Variants in RASL12 observed in about 807,000 individuals in gnomAD.
RASL12 encodes the protein ras-like protein family member 12.
In RASL12, 16 loss-of-function variants were observed where a neutral mutation model predicts 22.9. The ratio of observed to expected loss-of-function variants is 0.70; its 90% CI spans 0.47 to 1.06. RASL12 has a LOEUF of 1.06. Among genes scored for constraint, RASL12 ranks in the 50% least tolerant of loss-of-function variants. RASL12 has a pLI of 0.00. For missense variants in RASL12, 306 were observed against 353.1 expected (o/e 0.87, Z 1.07); for synonymous variants, 159 against 152.2 (o/e 1.04, Z -0.33).
chr15:65,061,644 T>C (rs1219782724), intron 2 of RASL12, among the ~76,000 whole-genome samples: 2 of 152,212 alleles, frequency 1.3e-5, no homozygotes, highest in Admixed American at 6.5e-5. Context: ...AGAAGAGTCA[T>C]TTCCCAAAGT....
At position 65,054,645 on chromosome 15, in the gene RASL12, G is replaced by A; in HGVS notation, c.*254C>T. The A allele has an allele frequency of 7.3e-7, 1 of 1,361,994 alleles. No individual in the cohort carries two copies. Among genetic ancestry groups the A allele is most frequent in the Non-Finnish European group, 9.5e-7 (1 of 1,056,860 alleles). The allele number at this position is 1,361,994 out of a possible 1,614,324, so 84.4% of individuals were successfully genotyped here. On this transcript the variant is annotated 3_prime_UTR_variant, in exon 5 of 5. Transcript: ENST00000220062. The stretch of plus-strand genomic sequence containing the variant: ...CTTAAGGCTGACCCCAGGTCTCTGG[G>A]TTGTCACAGTGGCTGTTTCCCTCTA...
At chr15:65,062,436 T>C (rs2086820481) in intron 2 of RASL12, among the ~76,000 whole-genome samples, 1 of 152,230 alleles carries the variant, frequency 6.6e-6, no homozygotes, top group African/African-American at 2.4e-5. Flanking sequence ...AGGCTGCTCC[T>C]AGCGGAGAGC....
downstream of RASL12, among the ~76,000 whole-genome samples, chr15:65,048,507 A>C (rs977262659): frequency 6.6e-6 from 1 of 152,172 alleles, no homozygotes; most frequent in Non-Finnish European, 1.5e-5. Flanking sequence ...TTGAGCACCT[A>C]AGGCAGTGAC....
At chr15:65,046,692 C>T in the RASL12 span, among the ~76,000 whole-genome samples, 3 of 152,080 alleles carry the variant, frequency 2.0e-5, no homozygotes, top group African/African-American at 4.8e-5. Flanking sequence ...GTGGGCAGGT[C>T]GCTTGAACTC....
intron 1 of RASL12, among the ~76,000 whole-genome samples, chr15:65,073,223 C>T (rs543221997): frequency 3.9e-5 from 6 of 152,162 alleles, no homozygotes; most frequent in East Asian, 1.9e-4. Context: ...GAGATGGTTT[C>T]GGAATTATTC....
intron 1 of RASL12, among the ~76,000 whole-genome samples, chr15:65,075,287 C>T (rs1440857211): frequency 6.6e-6 from 1 of 152,246 alleles, no homozygotes; most frequent in Non-Finnish European, 1.5e-5. Context: ...ACCTGCAGCC[C>T]GCCATGCCTG....
intron 1 of RASL12, among the ~76,000 whole-genome samples, chr15:65,073,574 C>T (rs2086946173): frequency 6.6e-6 from 1 of 152,202 alleles, no homozygotes; most frequent in Non-Finnish European, 1.5e-5. Context: ...TTTGCTTGCT[C>T]ACTGCTCACC....
intron 1 of RASL12, 131 bp downstream of exon 1, chr15:65,067,602 T>C: frequency 9.0e-7 from 1 of 1,111,264 alleles, no homozygotes; most frequent in Non-Finnish European, 1.2e-6. Flanking sequence ...CACGGTGTCT[T>C]GTGCGACCCT....
chr15:65,060,485 T>C (rs974055013), intron 2 of RASL12, among the ~76,000 whole-genome samples: 1 of 152,222 alleles, frequency 6.6e-6, no homozygotes, highest in African/African-American at 2.4e-5. Flanking sequence ...TATTTGAATT[T>C]CTCGAGTTGT....
downstream of RASL12, chr15:65,049,809 CTTTGGGCCAGAGGAGATCTGGA>C (rs1478490757): frequency 2.5e-6 from 1 of 403,092 alleles, no homozygotes; most frequent in East Asian, 4.2e-5. Flanking sequence ...TGTCCCATAA[CTTTGGGCCAGAGGAGATCTGGA>C]TTTGGGCACA....
chr15:65,065,120 C>G, intron 2 of RASL12, 97 bp downstream of exon 2: 1 of 1,143,050 alleles, frequency 8.7e-7, no homozygotes, highest in Non-Finnish European at 1.3e-6. Context: ...TGTCCCCAGA[C>G]ATGCAGTCCT....
At chr15:65,055,932 A>G (rs866533649) in intron 4 of RASL12, among the ~76,000 whole-genome samples, 5 of 152,290 alleles carry the variant, frequency 3.3e-5, no homozygotes, top group African/African-American at 1.2e-4. Context: ...ACAACATTTC[A>G]TGGTGAGGAG....
At chr15:65,075,355 C>A (rs2086959087) in intron 1 of RASL12, among the ~76,000 whole-genome samples, 1 of 152,238 alleles carries the variant, frequency 6.6e-6, no homozygotes, top group Non-Finnish European at 1.5e-5. Context: ...ACGAGCACTA[C>A]CCCCTGCTCC....
At chr15:65,071,113 A>G (rs993151660), upstream of RASL12, among the ~76,000 whole-genome samples, 3 of 152,148 alleles carry the variant, frequency 2.0e-5, no homozygotes, top group South Asian at 2.1e-4. Context: ...GGCAAGGGTT[A>G]TATCTTCTCT....
chr15:65,046,559 T>G, the RASL12 span, among the ~76,000 whole-genome samples: 2 of 152,230 alleles, frequency 1.3e-5, no homozygotes, highest in African/African-American at 2.4e-5. Context: ...TGTATCCAAT[T>G]TGTCATTTTG....
chr15:65,048,306 G>A, the RASL12 span, among the ~76,000 whole-genome samples: 1 of 152,086 alleles, frequency 6.6e-6, no homozygotes, highest in South Asian at 2.1e-4. Flanking sequence ...TTGTATTTGT[G>A]TCAAAATATT....
chr15:65,071,699 G>A (rs950949483), upstream of RASL12, among the ~76,000 whole-genome samples: 15 of 152,146 alleles, frequency 9.9e-5, no homozygotes, highest in African/African-American at 3.4e-4. Context: ...TCTCAGGAGA[G>A]GGCCTGGCAA....
downstream of RASL12, chr15:65,049,793 C>CGT: frequency 7.0e-6 from 3 of 426,786 alleles, no homozygotes; most frequent in Non-Finnish European, 4.2e-6. Flanking sequence ...TCGTTCGGGT[C>CGT]GTTTTTGTCC....
chr15:65,047,906 C>T, the RASL12 span, among the ~76,000 whole-genome samples: 7 of 152,068 alleles, frequency 4.6e-5, no homozygotes, highest in South Asian at 2.1e-4. Flanking sequence ...GGGCCAGGCA[C>T]GGTGGCTCAG....
Sources: allele counts gnomAD v4.1 joint callset (sites outside exome capture counted in the v4.1 genomes callset), GRCh38; gene constraint gnomAD v4.1.1; transcripts MANE v1.5; gene names NCBI Gene and HGNC (gene_info 2026-07-23, HGNC 2026-07-21).